CPNE8: variants seen among roughly 807,000 people sequenced by gnomAD.
CPNE8 encodes copine-8.
A neutral mutation model predicts 81.5 loss-of-function variants in CPNE8; 45 were observed. That is an observed-to-expected ratio of 0.55 (90% CI 0.44 to 0.71). CPNE8 has a LOEUF of 0.71. Among genes scored for constraint, CPNE8 ranks in the 30% least tolerant of loss-of-function variants. CPNE8 has a pLI of 0.00. For synonymous variants in CPNE8, 252 were observed against 226.3 expected, an observed-to-expected ratio of 1.11 and a Z score of -1.02; for missense variants, 594 against 672.1, an observed-to-expected ratio of 0.88 and a Z score of 1.28.
rs768167096 is a variant in CPNE8, at chr12:38,653,801, TG to T, written c.*80del. 110 of 1,487,894 alleles carry T rather than the reference TG, an allele frequency of 7.4e-5. No individual in the cohort carries two copies. The highest frequency in any genetic ancestry group is 9.4e-5 in the Non-Finnish European group (106 of 1,125,088). The allele number at this position is 1,487,894 out of a possible 1,614,324, so 92.2% of individuals were successfully genotyped here. A position where few individuals can be genotyped will look rare whatever the true frequency, so the allele number is the denominator to read the frequency against. On this transcript the variant is annotated 3_prime_UTR_variant, in exon 20 of 20. Transcript: ENST00000331366. The stretch of plus-strand genomic sequence containing the variant: ...AAACTGAGAAAACTATCTCATTGCC[TG>T]GTTCATTACAGAGCACCAGGCACAA...
intron 3 of CPNE8, among the ~76,000 whole-genome samples, chr12:38,853,889 T>A (rs1455209194): frequency 6.6e-6 from 1 of 152,068 alleles, no homozygotes; most frequent in Non-Finnish European, 1.5e-5. Context: ...GATAAAAATG[T>A]TCAGAAAGTT....
chr12:38,750,785 T>C (rs1941339743), intron 10 of CPNE8, among the ~76,000 whole-genome samples: 1 of 152,186 alleles, frequency 6.6e-6, no homozygotes. Flanking sequence ...GACTGTGGAC[T>C]TTTGAGTTAA....
At chr12:38,906,711 C>G, upstream of CPNE8, 1 of 599,380 alleles carries the variant, frequency 1.7e-6, no homozygotes, top group Non-Finnish European at 2.1e-6. Context: ...AGGCGCCCCT[C>G]CACTGCAGGG....
At chr12:38,853,557 A>C (rs1943681254) in intron 3 of CPNE8, among the ~76,000 whole-genome samples, 1 of 152,076 alleles carries the variant, frequency 6.6e-6, no homozygotes, top group South Asian at 2.1e-4. Flanking sequence ...CAAGTATGAA[A>C]ATTTTCAGTT....
At chr12:38,896,268 T>C (rs975990108) in intron 1 of CPNE8, among the ~76,000 whole-genome samples, 1 of 152,146 alleles carries the variant, frequency 6.6e-6, no homozygotes, top group African/African-American at 2.4e-5. Context: ...TGCAACATTA[T>C]TCTTCACAGA....
chr12:38,788,608 A>G (rs1095574), intron 6 of CPNE8, among the ~76,000 whole-genome samples: 144,962 of 151,878 alleles, frequency 0.95, 69,391 homozygotes, highest in East Asian at 1. Flanking sequence ...TCTAGCTAGA[A>G]GAATCAGACA....
intron 19 of CPNE8, among the ~76,000 whole-genome samples, chr12:38,654,665 T>C (rs917542302): frequency 6.6e-6 from 1 of 152,170 alleles, no homozygotes; most frequent in African/African-American, 2.4e-5. Context: ...AGGCTTATTA[T>C]GTTGCCAAAT....
chr12:38,904,944 A>G (rs900782688), intron 1 of CPNE8, among the ~76,000 whole-genome samples: 1 of 152,254 alleles, frequency 6.6e-6, no homozygotes, highest in Non-Finnish European at 1.5e-5. Context: ...GGGAGAAGCA[A>G]GCTGGAAGGC....
intron 4 of CPNE8, among the ~76,000 whole-genome samples, chr12:38,840,960 T>C (rs918649877): frequency 4.6e-5 from 7 of 152,200 alleles, no homozygotes; most frequent in Non-Finnish European, 1.0e-4. Context: ...TCATATTCAT[T>C]TCAAATTTCT....
At chr12:38,880,268 G>C (rs17126734) in intron 1 of CPNE8, among the ~76,000 whole-genome samples, 1 of 152,146 alleles carries the variant, frequency 6.6e-6, no homozygotes, top group South Asian at 2.1e-4. Context: ...TATTTTTCAG[G>C]GTAGTCTCTG....
intron 1 of CPNE8, among the ~76,000 whole-genome samples, chr12:38,902,417 A>AAG (rs1166996215): frequency 0.072 from 5,173 of 71,960 alleles, 600 homozygotes; most frequent in African/African-American, 0.25. Flanking sequence ...GAAAGAAAGA[A>AAG]AAAGAAAGAA....
At position 38,781,306 on chromosome 12, in the gene CPNE8, T is replaced by C. The variant is rs527740148; in HGVS notation, c.408-5005A>G. On this transcript the variant is annotated intron_variant, in intron 6 of 19. Transcript: ENST00000331366. ...GAAATAAACCTAGAGGAATAGTTAC[T>C]GATGTAAATGTAAATGAACTAAATG... Among the ~76,000 whole-genome samples the C allele has an allele frequency of 3.0e-3, 451 of 152,112 alleles. 2 individuals carry two copies. The highest frequency in any genetic ancestry group is 0.01 in the African/African-American group (428 of 41,556).
chr12:38,726,773 C>CAAAAAG (rs1940709213), intron 11 of CPNE8, among the ~76,000 whole-genome samples: 1 of 152,076 alleles, frequency 6.6e-6, no homozygotes, highest in South Asian at 2.1e-4. Context: ...TTAGGAGTAA[C>CAAAAAG]TTTTTAGTAG....
chr12:38,659,592 A>G (rs1724904609), intron 19 of CPNE8, among the ~76,000 whole-genome samples: 1 of 152,188 alleles, frequency 6.6e-6, no homozygotes, highest in African/African-American at 2.4e-5. Flanking sequence ...AACAGAATAC[A>G]CATTCTTCTC....
chr12:38,813,688 T>C (rs1430566361), intron 6 of CPNE8, among the ~76,000 whole-genome samples: 1 of 152,180 alleles, frequency 6.6e-6, no homozygotes, highest in African/African-American at 2.4e-5. Context: ...TAAACTTTGT[T>C]GATTCACAGA....
At chr12:38,705,971 T>G (rs1940097482) in intron 13 of CPNE8, among the ~76,000 whole-genome samples, 1 of 152,126 alleles carries the variant, frequency 6.6e-6, no homozygotes, top group South Asian at 2.1e-4. Flanking sequence ...TAATGTGATG[T>G]TACATGGCTT....
intron 3 of CPNE8, among the ~76,000 whole-genome samples, chr12:38,869,166 G>C (rs1943955887): frequency 6.6e-6 from 1 of 152,162 alleles, no homozygotes; most frequent in African/African-American, 2.4e-5. Context: ...TATTAGGTTT[G>C]AGGCCAAGTA....
chr12:38,769,292 C>A (rs547639098), intron 7 of CPNE8, among the ~76,000 whole-genome samples: 2 of 152,306 alleles, frequency 1.3e-5, no homozygotes, highest in South Asian at 2.1e-4. Flanking sequence ...GCAGGAAATA[C>A]ATTCTAGCAA....
chr12:38,679,623 T>A, intron 16 of CPNE8: 2 of 985,052 alleles, frequency 2.0e-6, no homozygotes, highest in Non-Finnish European at 2.4e-6. Context: ...CTTTATCACC[T>A]TCGGCACCAC....
Sources: allele counts gnomAD v4.1 joint callset (sites outside exome capture counted in the v4.1 genomes callset), GRCh38; gene constraint gnomAD v4.1.1; transcripts MANE v1.5; gene names NCBI Gene and HGNC (gene_info 2026-07-23, HGNC 2026-07-21).